The following BCL11A variants were observed in gnomAD, a reference collection of about 807,000 sequenced individuals.
BCL11A encodes B cell CLL/lymphoma 11A.
Under a neutral mutation model 55.9 loss-of-function variants are expected in BCL11A, and 2 were observed. The ratio of observed to expected loss-of-function variants is 0.04; its 90% CI spans 0.01 to 0.11. BCL11A has a LOEUF of 0.11. BCL11A is among the 10% of genes least tolerant of loss of function. BCL11A has a pLI of 1.00. For synonymous variants in BCL11A, 465 were observed against 473.4 expected (o/e 0.98, Z 0.23); for missense variants, 817 against 1,137.1 (o/e 0.72, Z 4.05).
At chr2:60,484,897 T>C (rs1280949555) in intron 2 of BCL11A, among the ~76,000 whole-genome samples, 1 of 151,024 alleles carries the variant, frequency 6.6e-6, no homozygotes, top group Admixed American at 6.6e-5. Flanking sequence ...GTGTGTAAAC[T>C]TGTGTGCTCC....
At chr2:60,541,863 T>C in intron 2 of BCL11A, 1 of 691,458 alleles carries the variant, frequency 1.4e-6, no homozygotes, top group Non-Finnish European at 2.7e-6. Flanking sequence ...CATACTATAA[T>C]TTATAGTCTC....
chr2:60,541,961 G>T (rs777747785), intron 2 of BCL11A: 1 of 686,624 alleles, frequency 1.5e-6, no homozygotes, highest in Non-Finnish European at 2.7e-6. Context: ...AAAAGAAAAG[G>T]TAAGTTCATT....
At position 60,459,934 on chromosome 2, in the gene BCL11A, T is replaced by TTC. The variant is rs1026899119; in HGVS notation, c.*468_*469dup. On this transcript the variant is annotated 3_prime_UTR_variant, in exon 4 of 4. Transcript: ENST00000642384. ...ACAGAATGTATGCAGCATGGTCTTT[T>TTC]TCTCTCTCTCTCTCTTTTTCTCTCA... 2.8e-5 allele frequency: 30 copies of TTC among 1,058,382 alleles called. No homozygotes were observed. In the East Asian group the frequency reaches 3.1e-4, roughly 11 times the overall value. 65.6% of individuals were successfully genotyped at this position (1,058,382 alleles called of 1,614,324 possible).
chr2:60,537,944 C>A (rs1406050894), intron 2 of BCL11A: 1 of 152,142 alleles, frequency 6.6e-6, no homozygotes, highest in African/African-American at 2.4e-5. Flanking sequence ...ATTGTAGGTG[C>A]AATTGTTCAT....
intron 2 of BCL11A, chr2:60,526,720 A>G (rs1669219061): frequency 6.6e-6 from 1 of 152,266 alleles, no homozygotes; most frequent in Admixed American, 6.5e-5. Flanking sequence ...AGATGCAATG[A>G]AAATGTTTGA....
At chr2:60,500,751 A>G (rs1446605562) in intron 2 of BCL11A, among the ~76,000 whole-genome samples, 1 of 152,186 alleles carries the variant, frequency 6.6e-6, no homozygotes, top group Admixed American at 6.5e-5. Flanking sequence ...GTGGATAGGT[A>G]AGATGAACAC....
At chr2:60,502,916 T>C (rs913855724) in intron 2 of BCL11A, among the ~76,000 whole-genome samples, 1 of 152,170 alleles carries the variant, frequency 6.6e-6, no homozygotes, top group African/African-American at 2.4e-5. Context: ...GAAAGAACAC[T>C]GGTCTGTCTG....
chr2:60,538,953 T>C (rs968779998), intron 2 of BCL11A, among the ~76,000 whole-genome samples: 2 of 152,286 alleles, frequency 1.3e-5, no homozygotes, highest in Admixed American at 6.5e-5. Flanking sequence ...CATTTCTCCA[T>C]ACCAGCACAT....
At chr2:60,513,899 C>T (rs1376949815) in intron 2 of BCL11A, among the ~76,000 whole-genome samples, 7 of 152,240 alleles carry the variant, frequency 4.6e-5, no homozygotes, top group Non-Finnish European at 7.3e-5. Context: ...TGAAGAGAAG[C>T]TGTTCCTGGC....
chr2:60,502,443 T>C (rs947804204), intron 2 of BCL11A, among the ~76,000 whole-genome samples: 29 of 152,042 alleles, frequency 1.9e-4, no homozygotes, highest in Admixed American at 1.0e-3. Flanking sequence ...TTCAGAAGAG[T>C]AGCAGGGGGT....
intron 1 of BCL11A, chr2:60,550,737 G>A: frequency 2.5e-6 from 1 of 398,126 alleles, no homozygotes; most frequent in Non-Finnish European, 4.4e-6. Flanking sequence ...GGACCCAGGA[G>A]GGAGAGGGGT....
Position 60,459,187 on chromosome 2 carries a change from A to C in BCL11A, c.*1217T>G, listed in dbSNP as rs1256745086. ...ACCTTATTGTCAGCCTCTTCCTTTC[A>C]ATATGGTATACAAGGTCTTAAAGTT... On this transcript the variant is annotated 3_prime_UTR_variant, in exon 4 of 4. Coordinates refer to ENST00000642384, the MANE Select transcript of BCL11A (RefSeq NM_022893.4). The C allele has an allele frequency of 9.8e-7, 1 of 1,022,728 alleles. No homozygotes were observed. Among genetic ancestry groups the C allele is most frequent in the Non-Finnish European group, 1.2e-6 (1 of 851,884 alleles). The allele number at this position is 1,022,728 out of a possible 1,614,324, so 63.4% of individuals were successfully genotyped here.
In BCL11A at chr2:60,459,965, G is replaced by T; in HGVS notation, c.*439C>A. 9.4e-7 allele frequency: 1 copy of T among 1,065,480 alleles called. No homozygotes were observed. The highest frequency in any genetic ancestry group is 1.1e-6 in the Non-Finnish European group (1 of 879,664). The allele number at this position is 1,065,480 out of a possible 1,614,324, so 66.0% of individuals were successfully genotyped here. On this transcript the variant is annotated 3_prime_UTR_variant, in exon 4 of 4. Transcript: ENST00000642384. ...CTCTCTCTCTTTTTCTCTCAGAACG[G>T]AACTGGAAACAGCAACATGTTTGCT...
At chr2:60,486,530 C>A (rs961065919) in intron 2 of BCL11A, among the ~76,000 whole-genome samples, 2 of 152,172 alleles carry the variant, frequency 1.3e-5, no homozygotes, top group Non-Finnish European at 2.9e-5. Flanking sequence ...CTACATCAGG[C>A]CCAGAAAAGC....
At chr2:60,478,272 C>A (rs148695364) in intron 2 of BCL11A, 86 of 152,456 alleles carry the variant, frequency 5.6e-4, no homozygotes, top group Non-Finnish European at 8.1e-4. Flanking sequence ...AGCCTCACCT[C>A]CCAGTGAGGA....
chr2:60,549,964 TATG>T (rs1670327350), intron 1 of BCL11A: 2 of 152,274 alleles, frequency 1.3e-5, no homozygotes, highest in South Asian at 2.1e-4. Context: ...CCCGCATCAT[TATG>T]ATGATAACTA....
chr2:60,482,379 G>T lies in BCL11A; in HGVS notation c.386-13546C>A, dbSNP rs1678012595. The stretch of plus-strand genomic sequence containing the variant: ...CCGGAACTGGAGAAAAGTGAGAAAT[G>T]GAGCTTTTTTCTTGGCTTCCAAACA... On this transcript the variant is annotated intron_variant, in intron 2 of 3. Transcript: ENST00000642384. 3.3e-5 allele frequency among the ~76,000 whole-genome samples: 5 copies of T among 152,130 alleles called. 1 individual carries two copies. The South Asian group carries it at 6.2e-4, about 19-fold the overall frequency.
intron 2 of BCL11A, among the ~76,000 whole-genome samples, chr2:60,471,693 T>C (rs1677208658): frequency 6.6e-6 from 1 of 152,218 alleles, no homozygotes. Flanking sequence ...CAGCCAGAGA[T>C]GGGCTCTGGT....
intron 2 of BCL11A, among the ~76,000 whole-genome samples, chr2:60,509,850 T>G (rs12105711): frequency 0.41 from 62,912 of 151,770 alleles, 14,514 homozygotes; most frequent in African/African-American, 0.6. Context: ...CCTGAAGTGG[T>G]GAAGGAGCCC....
Sources: allele counts gnomAD v4.1 joint callset (sites outside exome capture counted in the v4.1 genomes callset), GRCh38; gene constraint gnomAD v4.1.1; transcripts MANE v1.5; gene names NCBI Gene and HGNC (gene_info 2026-07-23, HGNC 2026-07-21).